LHX6: variants seen among roughly 807,000 people sequenced by gnomAD.
LHX6 encodes the protein LIM/homeobox protein Lhx6.
A neutral mutation model predicts 47.1 loss-of-function variants in LHX6; 15 were observed. The ratio of observed to expected loss-of-function variants is 0.32; its 90% CI spans 0.21 to 0.49. LHX6 has a LOEUF of 0.49. LHX6 is among the 20% of genes least tolerant of loss of function. The probability of loss-of-function intolerance (pLI) is 0.99; values close to 1 mark genes in which losing one functional copy is unlikely to be tolerated. For missense variants in LHX6, 404 were observed against 539.6 expected, an observed-to-expected ratio of 0.75 and a Z score of 2.49; for synonymous variants, 242 against 233.5, an observed-to-expected ratio of 1.04 and a Z score of -0.33.
rs10985563 is a variant in LHX6, at chr9:122,203,423, C to T, written c.*1337G>A. 0.47 allele frequency: 72,311 copies of T among 152,448 alleles called. 18,502 individuals are homozygous for T. The highest frequency in any genetic ancestry group is 0.59 in the Middle Eastern group (172 of 294). 9.4% of individuals were successfully genotyped at this position (152,448 alleles called of 1,614,324 possible). On this transcript the variant is annotated 3_prime_UTR_variant, in exon 10 of 10. Coordinates refer to ENST00000394319, the MANE Select transcript of LHX6 (RefSeq NM_014368.5). Reference sequence around the variant, plus strand: ...TAACAGGTTAACCACAGCAGGAAGGCGGACTTGGGCTAAAACATGCTGATT... The same window carrying T: ...TAACAGGTTAACCACAGCAGGAAGGTGGACTTGGGCTAAAACATGCTGATT...
Position 122,228,836 on chromosome 9 carries a change from A to T in LHX6, c.-96T>A. The T allele has an allele frequency of 1.2e-6, 1 of 859,206 alleles. No individual in the cohort carries two copies. Among genetic ancestry groups the T allele is most frequent in the Non-Finnish European group, 1.5e-6 (1 of 660,936 alleles). 53.2% of individuals were successfully genotyped at this position (859,206 alleles called of 1,614,324 possible). ...TGGGAGCAGAGGCTGCTGCAGGAGCAGGAGGAGAGCCGAGGCGCCGGCCCC... is the reference window on the plus strand; with the variant it reads ...TGGGAGCAGAGGCTGCTGCAGGAGCTGGAGGAGAGCCGAGGCGCCGGCCCC... On this transcript the variant is annotated 5_prime_UTR_variant, in exon 1 of 10. Coordinates refer to ENST00000394319, the MANE Select transcript of LHX6 (RefSeq NM_014368.5).
chr9:122,207,866 T>C (rs1830244588), intron 9 of LHX6, among the ~76,000 whole-genome samples: 1 of 151,986 alleles, frequency 6.6e-6, no homozygotes. Context: ...CCCAACAGAC[T>C]CTCTGAGAGC....
Position 122,204,561 on chromosome 9 carries a change from T to C in LHX6, c.*199A>G. On this transcript the variant is annotated 3_prime_UTR_variant, in exon 10 of 10. Coordinates refer to ENST00000394319, the MANE Select transcript of LHX6 (RefSeq NM_014368.5). ...TCTGCCTTCCAAGAGGAGGACTCTG[T>C]GGTGCTCCTGGTGGGTTCTGGTTCT... The C allele has an allele frequency of 2.1e-6, 1 of 486,602 alleles. No homozygotes were observed. The highest frequency in any genetic ancestry group is 3.9e-5 in the South Asian group (1 of 25,504). The allele number at this position is 486,602 out of a possible 1,614,324, so 30.1% of individuals were successfully genotyped here.
intron 2 of LHX6, 59 bp downstream of exon 2, chr9:122,227,350 G>A: frequency 1.4e-6 from 2 of 1,419,788 alleles, no homozygotes; most frequent in Non-Finnish European, 1.9e-6. Context: ...ACCTGGCCAG[G>A]TCCCCAGGGC....
In LHX6 at chr9:122,204,661, G is replaced by A. The variant is rs1474194185; in HGVS notation, c.*99C>T. On this transcript the variant is annotated 3_prime_UTR_variant, in exon 10 of 10. Transcript: ENST00000394319. ...AGGATGGCGGACGGGGGTGGATGCG[G>A]AGGTGGGTGGACTCCTGGCCGCAGC... 7 of 1,445,582 alleles carry A rather than the reference G, an allele frequency of 4.8e-6. No individual in the cohort carries two copies. The highest frequency in any genetic ancestry group is 6.6e-6 in the Non-Finnish European group (7 of 1,055,732). The allele number at this position is 1,445,582 out of a possible 1,614,324, so 89.5% of individuals were successfully genotyped here.
intron 9 of LHX6, among the ~76,000 whole-genome samples, chr9:122,205,112 G>A (rs1371421426): frequency 2.0e-5 from 3 of 152,232 alleles, no homozygotes; most frequent in African/African-American, 7.2e-5. Context: ...CCATAGCCCC[G>A]TGAGGGAGTT....
chr9:122,206,606 T>C (rs1466372110), intron 9 of LHX6, among the ~76,000 whole-genome samples: 1 of 152,146 alleles, frequency 6.6e-6, no homozygotes, highest in Non-Finnish European at 1.5e-5. Flanking sequence ...AAACTGTCTA[T>C]AGCCAAATCT....
rs1271626351 is a variant in LHX6 at position 122,228,521 on chromosome 9, T to C, written c.84+136A>G. On this transcript the variant is annotated intron_variant, in intron 1 of 9. Transcript: ENST00000394319. ...CCCGCTCGCGCGCGCGCTCCCACACTCACAAGCACACACTCACAGGCGCAC... is the reference window on the plus strand; with the variant it reads ...CCCGCTCGCGCGCGCGCTCCCACACCCACAAGCACACACTCACAGGCGCAC... 5 of 1,200,554 alleles carry C rather than the reference T, an allele frequency of 4.2e-6. No homozygotes were observed. The Admixed American group carries it at 1.8e-4, about 43-fold the overall frequency. The allele number at this position is 1,200,554 out of a possible 1,614,324, so 74.4% of individuals were successfully genotyped here. A position where few individuals can be genotyped will look rare whatever the true frequency, so the allele number is the denominator to read the frequency against.
chr9:122,213,565 T>A lies in LHX6; in HGVS notation c.1054+41A>T. On this transcript the variant is annotated intron_variant, in intron 8 of 9. Coordinates refer to ENST00000394319, the MANE Select transcript of LHX6 (RefSeq NM_014368.5). This position sits in a 1 kb window ranked among gnomAD's most constrained non-coding sequence, Gnocchi z 5.5. ...CCCACGTGCGCTCCTCCGCGCCCCC[T>A]CCCCGCAGGCCCAGCGGCTCCCGGC... 1.6e-5 allele frequency: 24 copies of A among 1,502,294 alleles called. No homozygotes were observed. The highest frequency in any genetic ancestry group is 2.0e-5 in the Non-Finnish European group (23 of 1,129,956). The allele number at this position is 1,502,294 out of a possible 1,614,324, so 93.1% of individuals were successfully genotyped here.
intron 1 of LHX6, 31 bp downstream of exon 1, chr9:122,228,625 CG>C: frequency 7.7e-7 from 1 of 1,307,110 alleles, no homozygotes; most frequent in Non-Finnish European, 9.7e-7. Context: ...GACCCCGGCC[CG>C]GGCCGCTCAC....
rs748332304 is a variant in LHX6, at chr9:122,202,842, C to T, written c.*1918G>A. The T allele has an allele frequency of 1.3e-5, 2 of 152,532 alleles. No homozygotes were observed. Among genetic ancestry groups the T allele is most frequent in the Non-Finnish European group, 2.9e-5 (2 of 68,044 alleles). 9.4% of individuals were successfully genotyped at this position (152,532 alleles called of 1,614,324 possible). ...TAACATGCTACGGCCACATAATCCA[C>T]GCAAGGAATAGACCCTGAGGAGAGG... On this transcript the variant is annotated 3_prime_UTR_variant, in exon 10 of 10. Transcript: ENST00000394319.
In LHX6 at chr9:122,208,482, TG is replaced by T. The variant is rs1208401823; in HGVS notation, c.1158+1131del. Among the ~76,000 whole-genome samples, 8 of 152,180 alleles carry T rather than the reference TG, an allele frequency of 5.3e-5. No individual in the cohort carries two copies. The South Asian group carries it at 1.0e-3, about 20-fold the overall frequency. On this transcript the variant is annotated intron_variant, in intron 9 of 9. Transcript: ENST00000394319. ...CTCCTAGCAACAGATTCATGGATGC[TG>T]GGCACAGACAAGACATAGGAAATGT...
Position 122,228,646 on chromosome 9 carries a change from C to G in LHX6, c.84+11G>C. 1.5e-6 allele frequency: 2 copies of G among 1,306,294 alleles called. No individual in the cohort carries two copies. Among genetic ancestry groups the G allele is most frequent in the Non-Finnish European group, 1.9e-6 (2 of 1,030,482 alleles). The allele number at this position is 1,306,294 out of a possible 1,614,324, so 80.9% of individuals were successfully genotyped here. A position where few individuals can be genotyped will look rare whatever the true frequency, so the allele number is the denominator to read the frequency against. On this transcript the variant is annotated intron_variant, in intron 1 of 9. Transcript: ENST00000394319. Reference sequence around the variant, plus strand: ...GGCCCGGGCCGCTCACCCAGTCGTTCGCCGGCTCACCTGGTCGGTGGCGGG... The same window carrying G: ...GGCCCGGGCCGCTCACCCAGTCGTTGGCCGGCTCACCTGGTCGGTGGCGGG...
chr9:122,226,756 G>A lies in LHX6; in HGVS notation c.339+92C>T. On this transcript the variant is annotated intron_variant, in intron 3 of 9. Transcript: ENST00000394319. This position sits in a 1 kb window ranked among gnomAD's most constrained non-coding sequence, Gnocchi z 6.5. The stretch of plus-strand genomic sequence containing the variant: ...TCGGGCAGCAGTGGAGCCAGGATTT[G>A]GAAGTAAGAGGACCTGCGGTGCTTC... The A allele has an allele frequency of 7.1e-7, 1 of 1,399,364 alleles. No individual in the cohort carries two copies. The highest frequency in any genetic ancestry group is 9.6e-7 in the Non-Finnish European group (1 of 1,040,306). The allele number at this position is 1,399,364 out of a possible 1,614,324, so 86.7% of individuals were successfully genotyped here.
rs1830636374 is a variant in LHX6, at chr9:122,217,402, T to G, written c.462-114A>C. ...GGCTCCTGGCCTCTAAGTCTTCAAC[T>G]CAGGCATTAGCCTTAGCTTGGACGC... On this transcript the variant is annotated intron_variant, in intron 4 of 9. Transcript: ENST00000394319. The surrounding 1 kb of genome is among the most constrained non-coding windows in gnomAD (Gnocchi z 4.9). 1 of 774,650 alleles carries G rather than the reference T, an allele frequency of 1.3e-6. No individual in the cohort carries two copies. Among genetic ancestry groups the G allele is most frequent in the South Asian group, 1.7e-5 (1 of 58,498 alleles). The allele number at this position is 774,650 out of a possible 1,614,324, so 48.0% of individuals were successfully genotyped here.
Position 122,228,217 on chromosome 9 carries a change from G to T in LHX6, c.84+440C>A, listed in dbSNP as rs1020802250. On this transcript the variant is annotated intron_variant, in intron 1 of 9. Coordinates refer to ENST00000394319, the MANE Select transcript of LHX6 (RefSeq NM_014368.5). Reference sequence around the variant, plus strand: ...GGGAAACCCGGAGCAAAAAGAGAGCGAGATCGGGGCGAAACGGGACCAAAA... The same window carrying T: ...GGGAAACCCGGAGCAAAAAGAGAGCTAGATCGGGGCGAAACGGGACCAAAA... 4 of 1,507,774 alleles carry T rather than the reference G, an allele frequency of 2.7e-6. No homozygotes were observed. The East Asian group carries it at 7.4e-5, about 28-fold the overall frequency. 93.4% of individuals were successfully genotyped at this position (1,507,774 alleles called of 1,614,324 possible).
chr9:122,213,901 C>G lies in LHX6; in HGVS notation c.879+73G>C, dbSNP rs1830488149. On this transcript the variant is annotated intron_variant, in intron 7 of 9. Transcript: ENST00000394319. This position sits in a 1 kb window ranked among gnomAD's most constrained non-coding sequence, Gnocchi z 5.5. Reference sequence around the variant, plus strand: ...AAGGATGGCCACGTGCACGCACCACCCTCCGCGCCGAGCCCAGCTACGAGC... The same window carrying G: ...AAGGATGGCCACGTGCACGCACCACGCTCCGCGCCGAGCCCAGCTACGAGC... The G allele has an allele frequency of 6.5e-7, 1 of 1,529,360 alleles. No homozygotes were observed. 94.7% of individuals were successfully genotyped at this position (1,529,360 alleles called of 1,614,324 possible).
chr9:122,220,111 G>T (rs1830781869), intron 4 of LHX6, among the ~76,000 whole-genome samples: 1 of 152,202 alleles, frequency 6.6e-6, no homozygotes, highest in Non-Finnish European at 1.5e-5. Flanking sequence ...CGCGCACCGC[G>T]ATCTTCCTGT....
At position 122,213,952 on chromosome 9, in the gene LHX6, G is replaced by GCCCCCCCCACC; in HGVS notation, c.879+21_879+22insGGTGGGGGGGG. On this transcript the variant is annotated intron_variant, in intron 7 of 9. Transcript: ENST00000394319. This position sits in a 1 kb window ranked among gnomAD's most constrained non-coding sequence, Gnocchi z 5.5. ...TCCGGGGCGTGCCCGCGGTCCCCAG[G>GCCCCCCCCACC]CCCCGCCCACCCCCGTCCCACCTGG... The GCCCCCCCCACC allele has an allele frequency of 4.1e-6, 6 of 1,461,928 alleles. No individual in the cohort carries two copies. Among genetic ancestry groups the GCCCCCCCCACC allele is most frequent in the South Asian group, 1.1e-5 (1 of 87,914 alleles). The allele number at this position is 1,461,928 out of a possible 1,614,324, so 90.6% of individuals were successfully genotyped here.
Sources: gnomAD v4.1 joint callset for allele counts (sites outside exome capture counted in the v4.1 genomes callset) on GRCh38, gnomAD v4.1.1 for gene constraint, Gnocchi (gnomAD v3.1) non-coding constraint, MANE v1.5 for transcripts, NCBI Gene and HGNC (gene_info 2026-07-23, HGNC 2026-07-21) for gene names.